Variants in SUMF1 observed in about 807,000 individuals in gnomAD.
The protein encoded by SUMF1 is formylglycine-generating enzyme.
A neutral mutation model predicts 47.6 loss-of-function variants in SUMF1; 48 were observed. The observed-to-expected ratio is 1.01, with a 90% CI of 0.80 to 1.28. The LOEUF (loss-of-function observed/expected upper bound fraction) is 1.28. Among genes scored for constraint, SUMF1 ranks in the 50% most tolerant of loss-of-function variants. The probability of loss-of-function intolerance (pLI) is 0.00; values close to 1 mark genes in which losing one functional copy is unlikely to be tolerated. For synonymous variants in SUMF1, 230 were observed against 192.1 expected (o/e 1.20, Z -1.63); for missense variants, 571 against 485.4 (o/e 1.18, Z -1.66).
chr3:4,388,724 C>T (rs990315674), intron 7 of SUMF1, among the ~76,000 whole-genome samples: 15 of 151,902 alleles, frequency 9.9e-5, no homozygotes, highest in African/African-American at 2.9e-4. Context: ...TTTGAGCATA[C>T]CTCTTTGTGT....
chr3:4,337,437 G>A (rs569666542), intron 8 of SUMF1, among the ~76,000 whole-genome samples: 18 of 152,230 alleles, frequency 1.2e-4, no homozygotes, highest in African/African-American at 4.3e-4. Context: ...TCTCTACCAT[G>A]TATCACTTTG....
At chr3:4,404,957 A>G (rs1701329404) in intron 7 of SUMF1, among the ~76,000 whole-genome samples, 2 of 152,166 alleles carry the variant, frequency 1.3e-5, no homozygotes, top group African/African-American at 2.4e-5. Context: ...AGATGATATG[A>G]TATTTACCGG....
chr3:4,282,045 C>G (rs12493975), intron 8 of SUMF1, among the ~76,000 whole-genome samples: 2 of 151,954 alleles, frequency 1.3e-5, no homozygotes, highest in African/African-American at 4.8e-5. Flanking sequence ...TTTTATTTAA[C>G]ATGACTGATT....
chr3:4,342,566 C>G (rs1414220121), intron 8 of SUMF1, among the ~76,000 whole-genome samples: 1 of 152,136 alleles, frequency 6.6e-6, no homozygotes, highest in Non-Finnish European at 1.5e-5. Flanking sequence ...AATTATAAAA[C>G]AAAAGTCACT....
intron 9 of SUMF1, among the ~76,000 whole-genome samples, chr3:4,066,041 C>G (rs1161295753): frequency 6.6e-6 from 1 of 152,034 alleles, no homozygotes; most frequent in Non-Finnish European, 1.5e-5. Flanking sequence ...AGGGATCCCA[C>G]TGACGAAACC....
chr3:4,369,173 G>T (rs1575141902), intron 8 of SUMF1, among the ~76,000 whole-genome samples: 5 of 152,024 alleles, frequency 3.3e-5, no homozygotes, highest in African/African-American at 1.2e-4. Context: ...AATAAAGACA[G>T]TGCTTTGTCT....
chr3:4,321,470 TAA>T (rs1206478992), intron 8 of SUMF1, among the ~76,000 whole-genome samples: 35 of 63,736 alleles, frequency 5.5e-4, no homozygotes, highest in South Asian at 1.7e-3. Flanking sequence ...AAGGAAATGC[TAA>T]AAAAAAAAAA....
intron 8 of SUMF1, among the ~76,000 whole-genome samples, chr3:4,126,896 C>G (rs1693667149): frequency 6.6e-6 from 1 of 152,122 alleles, no homozygotes; most frequent in Admixed American, 6.6e-5. Context: ...ACTTAAATCT[C>G]TAATATTCTT....
At chr3:4,098,404 G>T (rs946629759) in intron 8 of SUMF1, among the ~76,000 whole-genome samples, 7 of 152,234 alleles carry the variant, frequency 4.6e-5, no homozygotes, top group African/African-American at 1.7e-4. Flanking sequence ...AAATGTGGTA[G>T]AGCCTGAAAA....
chr3:4,151,165 T>TAC lies in SUMF1; in HGVS notation c.1015-82422_1015-82421dup, dbSNP rs1053746704. Among the ~76,000 whole-genome samples the TAC allele has an allele frequency of 6.0e-4, 90 of 150,988 alleles. 2 individuals are homozygous for TAC. The highest frequency in any genetic ancestry group is 8.7e-4 in the Non-Finnish European group (59 of 67,912). On this transcript the variant is annotated intron_variant and NMD_transcript_variant, in intron 8 of 12. Transcript: ENST00000448413. ...CAGAGAACAAGCAAACACATGACTATACACACACACATACATGCAAATATA... is the reference window on the plus strand; with the variant it reads ...CAGAGAACAAGCAAACACATGACTATACACACACACACATACATGCAAATATA...
At chr3:4,381,801 T>C (rs898824736) in intron 7 of SUMF1, among the ~76,000 whole-genome samples, 5 of 152,188 alleles carry the variant, frequency 3.3e-5, no homozygotes, top group African/African-American at 1.2e-4. Flanking sequence ...TCCCAGCACT[T>C]TGGGAGGCCA....
chr3:4,149,315 G>A (rs1438864020), intron 8 of SUMF1, among the ~76,000 whole-genome samples: 1 of 152,100 alleles, frequency 6.6e-6, no homozygotes, highest in Non-Finnish European at 1.5e-5. Flanking sequence ...CCCCATAATG[G>A]AGTCTTCTTG....
intron 8 of SUMF1, among the ~76,000 whole-genome samples, chr3:4,238,553 T>C (rs990946012): frequency 6.6e-6 from 1 of 152,244 alleles, no homozygotes; most frequent in African/African-American, 2.4e-5. Flanking sequence ...CATATGTCTG[T>C]TGGCTGCATA....
chr3:4,202,555 G>A (rs904532031), intron 8 of SUMF1, among the ~76,000 whole-genome samples: 1 of 151,854 alleles, frequency 6.6e-6, no homozygotes, highest in African/African-American at 2.4e-5. Flanking sequence ...CTCTAGTTTT[G>A]TTCCTTTTGT....
chr3:4,049,517 A>C lies in SUMF1; in HGVS notation c.1191+19052T>G, dbSNP rs150378804. 5.3e-5 allele frequency among the ~76,000 whole-genome samples: 8 copies of C among 152,216 alleles called. No individual in the cohort carries two copies. In the South Asian group the frequency reaches 1.7e-3, roughly 32 times the overall value. ...ACCCCTTGCTGAACGTGAGACAGGG[A>C]TGTGACTCATCTGTTCAGTAACCAC... On this transcript the variant is annotated intron_variant and NMD_transcript_variant, in intron 9 of 12. Coordinates refer to the SUMF1 transcript ENST00000448413.
chr3:4,245,754 A>G (rs116135315), intron 8 of SUMF1, among the ~76,000 whole-genome samples: 3 of 152,310 alleles, frequency 2.0e-5, no homozygotes, highest in African/African-American at 7.2e-5. Flanking sequence ...CCATGCCGGT[A>G]GAATGACTGC....
At chr3:4,148,703 C>G (rs1259767012) in intron 8 of SUMF1, among the ~76,000 whole-genome samples, 1 of 152,124 alleles carries the variant, frequency 6.6e-6, no homozygotes, top group Non-Finnish European at 1.5e-5. Flanking sequence ...GTGAAATTTT[C>G]TTTACAAAAA....
At chr3:4,314,136 A>G in intron 8 of SUMF1, 1 of 275,446 alleles carries the variant, frequency 3.6e-6, no homozygotes, top group East Asian at 7.0e-5. Flanking sequence ...ACCCTGGGAA[A>G]GGAAGCCATT....
chr3:4,345,115 G>A (rs367900619), intron 8 of SUMF1, among the ~76,000 whole-genome samples: 18 of 152,194 alleles, frequency 1.2e-4, no homozygotes, highest in South Asian at 4.2e-4. Flanking sequence ...CACACTTCAG[G>A]GTATTATCCA....
Sources: allele counts gnomAD v4.1 joint callset (sites outside exome capture counted in the v4.1 genomes callset), GRCh38; gene constraint gnomAD v4.1.1; transcripts MANE v1.5; gene names NCBI Gene and HGNC (gene_info 2026-07-23, HGNC 2026-07-21).